The following TOP3B variants were observed in gnomAD, a reference collection of about 807,000 sequenced individuals.
TOP3B encodes DNA topoisomerase 3-beta-1.
TOP3B carries 45 observed loss-of-function variants against 93.9 expected under a neutral mutation model. The observed-to-expected ratio is 0.48, with a 90% CI of 0.38 to 0.61. The LOEUF (loss-of-function observed/expected upper bound fraction) is 0.61. TOP3B is among the 20% of genes least tolerant of loss of function. The pLI is 0.00. For synonymous variants in TOP3B, 357 were observed against 472.6 expected, an observed-to-expected ratio of 0.76 and a Z score of 3.17; for missense variants, 750 against 1,156.1, an observed-to-expected ratio of 0.65 and a Z score of 5.09.
chr22:21,962,533 T>C lies in TOP3B; in HGVS notation c.1421A>G (p.Asp474Gly). 6.2e-7 allele frequency: 1 copy of C among 1,613,620 alleles called. No individual in the cohort carries two copies. Among genetic ancestry groups the C allele is most frequent in the African/African-American group, 1.3e-5 (1 of 75,032 alleles). Residue 474 changes from aspartate (D) to glycine (G), a missense_variant, in exon 13 of 18, where the codon GAT becomes GGT. This residue lies in a region of TOP3B where 737 missense variants were observed against 933.7 expected (regional missense o/e 0.79). Transcript: ENST00000357179. ...EESLPTCQRG[D>G]AFPVGEVKML... Reference sequence around the variant, plus strand: ...CTTCACCTCGCCCACAGGGAAGGCATCACCCCGCTGGCAAGTGGGCAGGCT... The same window carrying C: ...CTTCACCTCGCCCACAGGGAAGGCACCACCCCGCTGGCAAGTGGGCAGGCT...
chr22:21,958,923 G>T, intron 16 of TOP3B: 1 of 1,027,266 alleles, frequency 9.7e-7, no homozygotes, highest in Non-Finnish European at 1.4e-6. Context: ...TGGTGTTAGG[G>T]AAAAATGCAC....
intron 7 of TOP3B, chr22:21,968,213 T>C: frequency 4.3e-6 from 1 of 232,836 alleles, no homozygotes; most frequent in Admixed American, 5.1e-5. Context: ...CAGACATCAG[T>C]CACTGTGCCT....
intron 2 of TOP3B, chr22:21,974,739 G>C: frequency 2.9e-6 from 1 of 347,566 alleles, no homozygotes; most frequent in South Asian, 6.2e-5. Flanking sequence ...CGGGAGCCAG[G>C]AGCAGGCAGG....
At chr22:21,964,417 C>T in intron 9 of TOP3B, 102 bp from the exon 10 acceptor site, 1 of 1,429,422 alleles carries the variant, frequency 7.0e-7, no homozygotes, top group Admixed American at 1.8e-5. Flanking sequence ...CCGGCCCCTC[C>T]TGGAGGGTGA....
intron 16 of TOP3B, 52 bp downstream of exon 16, chr22:21,959,080 G>T: frequency 1.9e-6 from 3 of 1,595,932 alleles, no homozygotes; most frequent in Non-Finnish European, 2.6e-6. Context: ...CGATAAAGCT[G>T]AGGCCTACAG....
At chr22:21,972,020 C>A in intron 4 of TOP3B, 69 bp from the exon 5 acceptor site, 1 of 1,393,400 alleles carries the variant, frequency 7.2e-7, no homozygotes. Flanking sequence ...CCCAGTGCTC[C>A]CATCCAGGAC....
intron 14 of TOP3B, 135 bp from the exon 15 acceptor site, chr22:21,959,871 A>G: frequency 1.7e-6 from 2 of 1,206,992 alleles, no homozygotes; most frequent in Non-Finnish European, 2.3e-6. Context: ...CCTACCCACC[A>G]GTCCACAGCC....
chr22:21,973,452 T>G (rs1055778060), intron 3 of TOP3B: 5 of 47,144 alleles, frequency 1.1e-4, no homozygotes, highest in Non-Finnish European at 1.9e-4. Flanking sequence ...AGAATTTTGT[T>G]TTTTTTTTTT....
At chr22:21,978,689 C>T (rs914692510) in intron 1 of TOP3B, among the ~76,000 whole-genome samples, 3 of 152,008 alleles carry the variant, frequency 2.0e-5, no homozygotes, top group Admixed American at 6.6e-5. Context: ...ACAGGCCAGG[C>T]GAGATGGCAG....
chr22:21,976,677 G>A (rs1033241707), intron 1 of TOP3B: 1 of 152,140 alleles, frequency 6.6e-6, no homozygotes, highest in Admixed American at 6.5e-5. Flanking sequence ...CCCAAAATAG[G>A]ACACGATGGG....
At chr22:21,976,899 A>G (rs2071896138) in intron 1 of TOP3B, 1 of 152,264 alleles carries the variant, frequency 6.6e-6, no homozygotes, top group Admixed American at 6.5e-5. Context: ...CTGCTGTGAA[A>G]AAAAATAAAG....
rs759054204 is a variant in TOP3B, at chr22:21,962,729, C to T, written c.1351+18G>A. 1 of 1,614,034 alleles carries T rather than the reference C, an allele frequency of 6.2e-7. No homozygotes were observed. The highest frequency in any genetic ancestry group is 8.5e-7 in the Non-Finnish European group (1 of 1,179,928). ...CCCATGAAGGCACAGAGGAGGAAGG[C>T]TGGGCCCGTGGTGTGACCTGGTGAG... On this transcript the variant is annotated intron_variant, in intron 12 of 17. Transcript: ENST00000357179.
chr22:21,962,230 C>T, intron 13 of TOP3B, 199 bp downstream of exon 13: 1 of 1,521,070 alleles, frequency 6.6e-7, no homozygotes, highest in Non-Finnish European at 8.8e-7. Flanking sequence ...AGGCCAGGTC[C>T]TGAATGGAGG....
chr22:21,963,903 G>C lies in TOP3B; in HGVS notation c.1204+20C>G, dbSNP rs770240711. ...CCTTCCCTCCCTGGAAGCACACCGG[G>C]TATGGGATGAGAGCGGTACCTAATT... On this transcript the variant is annotated intron_variant, in intron 11 of 17. Transcript: ENST00000357179. The surrounding 1 kb of genome is among the most constrained non-coding windows in gnomAD (Gnocchi z 4.8). The C allele has an allele frequency of 6.2e-7, 1 of 1,611,470 alleles. No homozygotes were observed. The highest frequency in any genetic ancestry group is 8.5e-7 in the Non-Finnish European group (1 of 1,178,578).
intron 1 of TOP3B, among the ~76,000 whole-genome samples, chr22:21,981,017 C>T (rs5995334): frequency 0.052 from 7,943 of 152,240 alleles, 283 homozygotes; most frequent in South Asian, 0.12. Context: ...TTAGGGACTC[C>T]CCTTCTCTCA....
intron 13 of TOP3B, chr22:21,962,073 G>A: frequency 8.3e-7 from 1 of 1,201,988 alleles, no homozygotes; most frequent in South Asian, 1.6e-5. Context: ...TTTCAGGACA[G>A]CCCAGGCTGG....
At position 21,970,004 on chromosome 22, in the gene TOP3B, A is replaced by T; in HGVS notation, c.581+206T>A. The T allele has an allele frequency of 2.0e-6, 1 of 509,036 alleles. No homozygotes were observed. The highest frequency in any genetic ancestry group is 3.5e-6 in the Non-Finnish European group (1 of 289,646). The allele number at this position is 509,036 out of a possible 1,614,324, so 31.5% of individuals were successfully genotyped here. ...AGGCTGGTCTCAAACTGCCAACCTCAAGCAATCCTCCTATCCTGGTCTCCC... is the reference window on the plus strand; with the variant it reads ...AGGCTGGTCTCAAACTGCCAACCTCTAGCAATCCTCCTATCCTGGTCTCCC... On this transcript the variant is annotated intron_variant, in intron 6 of 17. Coordinates refer to ENST00000357179, the MANE Select transcript of TOP3B (RefSeq NM_001282112.2). The surrounding 1 kb of genome is among the most constrained non-coding windows in gnomAD (Gnocchi z 4.4).
chr22:21,964,764 G>T (rs1023886223), intron 9 of TOP3B: 10 of 197,906 alleles, frequency 5.1e-5, no homozygotes, highest in African/African-American at 2.1e-4. Context: ...GGCCACTCAG[G>T]GGGGCTCGTC....
chr22:21,958,081 G>A lies in TOP3B; in HGVS notation c.2107+411C>T, dbSNP rs986579906. 2.4e-6 allele frequency: 3 copies of A among 1,273,780 alleles called. No individual in the cohort carries two copies. The African/African-American group carries it at 4.5e-5, about 19-fold the overall frequency. 78.9% of individuals were successfully genotyped at this position (1,273,780 alleles called of 1,614,324 possible). A position where few individuals can be genotyped will look rare whatever the true frequency, so the allele number is the denominator to read the frequency against. On this transcript the variant is annotated intron_variant, in intron 17 of 17. Transcript: ENST00000357179. ...CCGCTGATTCCTGGTCTGGCTCGGT[G>A]CTCTGTCCTGCCTGCCTGGACATGC...
Sources: allele counts gnomAD v4.1 joint callset (sites outside exome capture counted in the v4.1 genomes callset), GRCh38; gene constraint gnomAD v4.1.1; regional missense constraint gnomAD v4.1.1; non-coding constraint Gnocchi (gnomAD v3.1); transcripts MANE v1.5; gene names NCBI Gene and HGNC (gene_info 2026-07-23, HGNC 2026-07-21).